The following SFXN5 variants were observed in gnomAD, a reference collection of about 807,000 sequenced individuals.
The protein encoded by SFXN5 is sideroflexin 5.
Under a neutral mutation model 50.2 loss-of-function variants are expected in SFXN5, and 43 were observed. That is an observed-to-expected ratio of 0.86 (90% confidence interval 0.67 to 1.11). SFXN5 has a LOEUF of 1.11. Among genes scored for constraint, SFXN5 ranks in the 50% least tolerant of loss-of-function variants. The pLI is 0.00. For missense variants in SFXN5, 463 were observed against 454.1 expected (o/e 1.02, Z -0.18); for synonymous variants, 203 against 185.8 (o/e 1.09, Z -0.75).
chr2:73,065,524 G>A (rs1018355668), intron 1 of SFXN5, among the ~76,000 whole-genome samples: 3 of 152,134 alleles, frequency 2.0e-5, no homozygotes, highest in Non-Finnish European at 2.9e-5. Context: ...CTTCAGTCCT[G>A]AGTAGCTGGG....
chr2:73,030,485 G>A (rs943473362), intron 3 of SFXN5, among the ~76,000 whole-genome samples: 5 of 152,156 alleles, frequency 3.3e-5, no homozygotes, highest in African/African-American at 9.7e-5. Context: ...TTACAGGCAT[G>A]AGCCACCGTG....
intron 3 of SFXN5, among the ~76,000 whole-genome samples, chr2:73,033,763 A>C (rs1406909637): frequency 6.6e-6 from 1 of 152,198 alleles, no homozygotes; most frequent in Non-Finnish European, 1.5e-5. Context: ...CTAAGTGCAA[A>C]AGAGGAACAC....
At chr2:73,052,330 A>G (rs1468235622) in intron 2 of SFXN5, among the ~76,000 whole-genome samples, 1 of 133,266 alleles carries the variant, frequency 7.5e-6, no homozygotes, top group Non-Finnish European at 1.5e-5. Context: ...TAGAAAATGT[A>G]AGAGAGAGAG....
chr2:73,041,794 C>A, intron 2 of SFXN5: 1 of 198,896 alleles, frequency 5.0e-6, no homozygotes, highest in East Asian at 1.3e-4. Context: ...CCTCAACATC[C>A]CAGGCTCAAG....
chr2:72,950,788 C>T lies in SFXN5; in HGVS notation c.946-5689G>A, dbSNP rs1021381832. ...TCTTCCTGCTGCCCAACCAACTCCA[C>T]CCCGCAGAAGGCCAGAGCCCCAGGG... On this transcript the variant is annotated intron_variant, in intron 13 of 13. Coordinates refer to ENST00000272433, the MANE Select transcript of SFXN5 (RefSeq NM_144579.3). This position sits in a 1 kb window ranked among gnomAD's most constrained non-coding sequence, Gnocchi z 4.2. 6.6e-6 allele frequency among the ~76,000 whole-genome samples: 1 copy of T among 152,250 alleles called. No individual in the cohort carries two copies. Among genetic ancestry groups the T allele is most frequent in the African/African-American group, 2.4e-5 (1 of 41,458 alleles).
At chr2:72,962,057 C>T (rs1207501392) in intron 12 of SFXN5, among the ~76,000 whole-genome samples, 1 of 152,228 alleles carries the variant, frequency 6.6e-6, no homozygotes, top group Non-Finnish European at 1.5e-5. Context: ...TGGGGACATA[C>T]CAGCTGGCCA....
At chr2:72,948,649 G>T (rs1009048769) in intron 13 of SFXN5, among the ~76,000 whole-genome samples, 3 of 152,238 alleles carry the variant, frequency 2.0e-5, no homozygotes, top group South Asian at 4.1e-4. Context: ...TGGCCCGGGG[G>T]AGACCGAGGC....
rs751217811 is a variant in SFXN5 at position 73,071,692 on chromosome 2, G to A, written c.14C>T (p.Ala5Val). Residue 5 changes from alanine (A) to valine (V), a missense_variant, in exon 1 of 14, where the codon GCG becomes GTG. Physicochemically the swap from Ala to Val is moderately conservative, Grantham distance 64 (BLOSUM62 0). Coordinates refer to ENST00000272433, the MANE Select transcript of SFXN5 (RefSeq NM_144579.3). Reference sequence around the variant, plus strand: ...AGCCGCCGCCGCCGATGCTGTAGTCGCTGTATCCGCCATGGCCACTGACGC... The same window carrying A: ...AGCCGCCGCCGCCGATGCTGTAGTCACTGTATCCGCCATGGCCACTGACGC... MADT[A>V]TTASAAAASA... 3.0e-5 allele frequency: 49 copies of A among 1,612,624 alleles called. No individual in the cohort carries two copies. In the Admixed American group the frequency reaches 7.8e-4, roughly 26 times the overall value.
intron 10 of SFXN5, among the ~76,000 whole-genome samples, chr2:72,983,729 C>G (rs1671577968): frequency 1.3e-5 from 2 of 152,194 alleles, no homozygotes; most frequent in Non-Finnish European, 2.9e-5. Context: ...CCACCCATTG[C>G]TGTCAACGAG....
intron 9 of SFXN5, among the ~76,000 whole-genome samples, chr2:72,990,206 C>T (rs1248868784): frequency 6.6e-6 from 1 of 152,230 alleles, no homozygotes; most frequent in African/African-American, 2.4e-5. Context: ...CCTGGGCTCT[C>T]GGGAACACAG....
intron 11 of SFXN5, among the ~76,000 whole-genome samples, chr2:72,968,868 T>C (rs1439809233): frequency 6.6e-6 from 1 of 151,894 alleles, no homozygotes; most frequent in Non-Finnish European, 1.5e-5. Flanking sequence ...AGTGGTGTGA[T>C]CTCAGCTCAC....
chr2:72,968,405 C>A, intron 12 of SFXN5, 43 bp downstream of exon 12: 1 of 1,572,742 alleles, frequency 6.4e-7, no homozygotes, highest in Non-Finnish European at 8.7e-7. Flanking sequence ...CTCTCCCCCT[C>A]CTCCCCCATG....
chr2:72,980,460 T>C (rs1419722027), intron 10 of SFXN5, among the ~76,000 whole-genome samples: 11 of 152,180 alleles, frequency 7.2e-5, no homozygotes, highest in Non-Finnish European at 1.2e-4. Context: ...ATTTGCTTGA[T>C]TTCACAAAAA....
chr2:72,986,010 C>A (rs1042903075), intron 10 of SFXN5, among the ~76,000 whole-genome samples: 3 of 152,216 alleles, frequency 2.0e-5, no homozygotes, highest in Non-Finnish European at 2.9e-5. Context: ...AATCCCAGAT[C>A]CAGCCCAGTG....
Position 72,998,753 on chromosome 2 carries a change from A to G in SFXN5, c.534+196T>C. On this transcript the variant is annotated intron_variant, in intron 9 of 13. Transcript: ENST00000272433. ...CACCTCCCCACCTGCTCTCCATTAC[A>G]GGGAGCACCAGGTTGTGCTCTGTCT... The G allele has an allele frequency of 6.6e-6, 4 of 602,210 alleles. No homozygotes were observed. In the South Asian group the frequency reaches 8.2e-5, roughly 12 times the overall value. The allele number at this position is 602,210 out of a possible 1,614,324, so 37.3% of individuals were successfully genotyped here.
At chr2:72,964,985 C>G (rs1013810715) in intron 12 of SFXN5, among the ~76,000 whole-genome samples, 1 of 152,210 alleles carries the variant, frequency 6.6e-6, no homozygotes, top group African/African-American at 2.4e-5. Context: ...CCTGTGCCCA[C>G]GGACCTAAGT....
intron 2 of SFXN5, among the ~76,000 whole-genome samples, chr2:73,047,231 AAAAAAAAAAAAAAAAT>A (rs1263369054): frequency 4.8e-5 from 1 of 20,640 alleles, no homozygotes; most frequent in African/African-American, 1.1e-4. Context: ...AAAAAAAAAA[AAAAAAAAAAAAAAAAT>A]ATATATATAT....
chr2:73,050,421 C>CACA (rs1240561312), intron 2 of SFXN5, among the ~76,000 whole-genome samples: 1 of 148,400 alleles, frequency 6.7e-6, no homozygotes, highest in African/African-American at 2.6e-5. Context: ...CACACACACA[C>CACA]CCCTGCAGAG....
At chr2:73,051,257 C>CTTATTT (rs1553524257) in intron 2 of SFXN5, among the ~76,000 whole-genome samples, 13 of 114,790 alleles carry the variant, frequency 1.1e-4, no homozygotes, top group African/African-American at 4.6e-4. Context: ...TTTTCCAGCA[C>CTTATTT]TTTTTTTTTT....
Sources: gnomAD v4.1 joint callset for allele counts (sites outside exome capture counted in the v4.1 genomes callset) on GRCh38, gnomAD v4.1.1 for gene constraint, Gnocchi (gnomAD v3.1) non-coding constraint, MANE v1.5 for transcripts, NCBI Gene and HGNC (gene_info 2026-07-23, HGNC 2026-07-21) for gene names.